Variants in NSG1 observed in about 807,000 individuals in gnomAD.
NSG1 encodes the protein neuronal vesicle trafficking associated 1.
Under a neutral mutation model 19.3 loss-of-function variants are expected in NSG1, and 9 were observed. The ratio of observed to expected loss-of-function variants is 0.47; its 90% CI spans 0.28 to 0.81. The LOEUF (loss-of-function observed/expected upper bound fraction) is 0.81, where lower values mean the gene tolerates loss of function less well. NSG1 is among the 40% of genes least tolerant of loss of function. The probability of loss-of-function intolerance (pLI) is 0.11; values close to 1 mark genes in which losing one functional copy is unlikely to be tolerated. For missense variants in NSG1, 236 were observed against 242.4 expected, an observed-to-expected ratio of 0.97 and a Z score of 0.18; for synonymous variants, 104 against 107.0, an observed-to-expected ratio of 0.97 and a Z score of 0.17.
intron 1 of NSG1, 43 bp from the exon 2 acceptor site, chr4:4,387,561 C>CCGGGGTGGGGGTGG: frequency 8.8e-7 from 1 of 1,141,988 alleles, no homozygotes; most frequent in Non-Finnish European, 1.2e-6. Flanking sequence ...CGCCCCGCCC[C>CCGGGGTGGGGGTGG]GGGTCTTGCT....
intron 3 of NSG1, among the ~76,000 whole-genome samples, chr4:4,402,427 G>A (rs1469976299): frequency 8.4e-6 from 1 of 119,668 alleles, no homozygotes; most frequent in African/African-American, 3.2e-5. Flanking sequence ...TTGCTCTGTC[G>A]CCCAGGCTGG....
chr4:4,401,599 A>G (rs147233305), intron 3 of NSG1, among the ~76,000 whole-genome samples: 223 of 152,162 alleles, frequency 1.5e-3, no homozygotes, highest in African/African-American at 5.1e-3. Context: ...CTGGCTCTTT[A>G]GCAGTTCTCG....
chr4:4,404,160 C>A (rs1212592040), intron 3 of NSG1, among the ~76,000 whole-genome samples: 2 of 152,244 alleles, frequency 1.3e-5, no homozygotes, highest in Non-Finnish European at 2.9e-5. Context: ...ACACCGGCCT[C>A]TTAGGATCAC....
At chr4:4,409,539 C>T (rs772217000) in intron 3 of NSG1, 34 bp from the exon 4 acceptor site, 31 of 1,545,900 alleles carry the variant, frequency 2.0e-5, no homozygotes, top group African/African-American at 8.2e-5. Flanking sequence ...TGCTGCCTTC[C>T]GGCCACCCCT....
rs1458601321 is a variant in NSG1 at position 4,418,378 on chromosome 4, T to G, written c.*943T>G. The G allele has an allele frequency of 2.0e-5, 3 of 151,996 alleles. No homozygotes were observed. Among genetic ancestry groups the G allele is most frequent in the African/African-American group, 7.3e-5 (3 of 41,248 alleles). The allele number at this position is 151,996 out of a possible 1,614,324, so 9.4% of individuals were successfully genotyped here. On this transcript the variant is annotated 3_prime_UTR_variant, in exon 5 of 5. Coordinates refer to ENST00000621129, the MANE Select transcript of NSG1 (RefSeq NM_014392.5). ...AAGCTTGAGCTACTTTAATTTTTATTCTATGAAACTGATATCCCTTGATGT... is the reference window on the plus strand; with the variant it reads ...AAGCTTGAGCTACTTTAATTTTTATGCTATGAAACTGATATCCCTTGATGT...
intron 4 of NSG1, among the ~76,000 whole-genome samples, chr4:4,411,743 AAAAAC>A (rs56166051): frequency 0.094 from 13,242 of 140,280 alleles, 707 homozygotes; most frequent in Middle Eastern, 0.14. Context: ...GACTCCGTCT[AAAAAC>A]AAAACAAAAC....
At chr4:4,396,021 C>T (rs1396493209) in intron 3 of NSG1, among the ~76,000 whole-genome samples, 1 of 152,176 alleles carries the variant, frequency 6.6e-6, no homozygotes, top group Admixed American at 6.5e-5. Context: ...GAGACTCCGC[C>T]ACACGGGATG....
At chr4:4,387,561 C>CGGGGGGGGGGGT in intron 1 of NSG1, 43 bp from the exon 2 acceptor site, 1 of 1,141,990 alleles carries the variant, frequency 8.8e-7, no homozygotes, top group Non-Finnish European at 1.2e-6. Flanking sequence ...CGCCCCGCCC[C>CGGGGGGGGGGGT]GGGTCTTGCT....
chr4:4,415,452 G>A (rs975150192), intron 4 of NSG1, among the ~76,000 whole-genome samples: 1 of 152,176 alleles, frequency 6.6e-6, no homozygotes, highest in African/African-American at 2.4e-5. Flanking sequence ...TATGAGATGG[G>A]TATGGGGGGC....
chr4:4,387,561 C>CGGGGGGGGGGGGGGG (rs1722791959), intron 1 of NSG1, 43 bp from the exon 2 acceptor site: 44 of 1,141,950 alleles, frequency 3.9e-5, no homozygotes, highest in Admixed American at 6.9e-5. Flanking sequence ...CGCCCCGCCC[C>CGGGGGGGGGGGGGGG]GGGTCTTGCT....
chr4:4,397,184 C>T (rs1340105041), intron 3 of NSG1, among the ~76,000 whole-genome samples: 3 of 150,736 alleles, frequency 2.0e-5, no homozygotes, highest in Non-Finnish European at 2.9e-5. Flanking sequence ...AATTACTCAG[C>T]AGAAATGCTC....
intron 4 of NSG1, chr4:4,415,722 G>GAAAAA: frequency 1.3e-5 from 2 of 157,880 alleles, no homozygotes; most frequent in Non-Finnish European, 2.7e-5. Flanking sequence ...GAGCGGGGCC[G>GAAAAA]CCACTCCACA....
At chr4:4,390,696 G>T (rs2108722744) in intron 2 of NSG1, among the ~76,000 whole-genome samples, 1 of 152,312 alleles carries the variant, frequency 6.6e-6, no homozygotes, top group South Asian at 2.1e-4. Flanking sequence ...AGTCCAGTGG[G>T]ACAGAGAAGT....
At chr4:4,394,427 C>T (rs907772618) in intron 3 of NSG1, among the ~76,000 whole-genome samples, 1 of 152,114 alleles carries the variant, frequency 6.6e-6, no homozygotes, top group Non-Finnish European at 1.5e-5. Context: ...ACGCTCCCTT[C>T]CCCCAGGTGC....
intron 1 of NSG1, 43 bp from the exon 2 acceptor site, chr4:4,387,561 C>CGGGGGTGGGTGT: frequency 3.5e-6 from 4 of 1,141,978 alleles, no homozygotes; most frequent in Non-Finnish European, 5.0e-6. Context: ...CGCCCCGCCC[C>CGGGGGTGGGTGT]GGGTCTTGCT....
intron 3 of NSG1, among the ~76,000 whole-genome samples, chr4:4,398,454 C>A (rs1029615695): frequency 1.2e-4 from 18 of 152,108 alleles, no homozygotes; most frequent in Admixed American, 3.3e-4. Context: ...TGCCCCCCCC[C>A]ACAGCCCCTG....
At chr4:4,392,878 A>G (rs1001322772) in intron 3 of NSG1, among the ~76,000 whole-genome samples, 4 of 152,136 alleles carry the variant, frequency 2.6e-5, no homozygotes, top group African/African-American at 9.7e-5. Flanking sequence ...GTATGTAAGG[A>G]TGTCGTGTGT....
intron 3 of NSG1, among the ~76,000 whole-genome samples, chr4:4,407,974 C>T (rs532425813): frequency 1.3e-5 from 2 of 152,228 alleles, no homozygotes; most frequent in Admixed American, 6.5e-5. Flanking sequence ...GGTGGCCGCC[C>T]GTCTCCCAGG....
At chr4:4,387,552 G>GC in intron 1 of NSG1, 52 bp from the exon 2 acceptor site, 16 of 310,496 alleles carry the variant, frequency 5.2e-5, no homozygotes, top group South Asian at 2.4e-4. Context: ...CTTCCCCCCC[G>GC]CCCCGCCCCG....
Sources: gnomAD v4.1 joint callset for allele counts (sites outside exome capture counted in the v4.1 genomes callset) on GRCh38, gnomAD v4.1.1 for gene constraint, MANE v1.5 for transcripts, NCBI Gene and HGNC (gene_info 2026-07-23, HGNC 2026-07-21) for gene names.